PCBP3: variants seen among roughly 807,000 people sequenced by gnomAD.
PCBP3 encodes poly(rC)-binding protein 3.
Under a neutral mutation model 52.7 loss-of-function variants are expected in PCBP3, and 25 were observed. The observed-to-expected ratio is 0.47, with a 90% CI of 0.35 to 0.66. PCBP3 has a LOEUF of 0.66. Ranked by LOEUF, PCBP3 falls within the 30% of genes least tolerant of loss-of-function variation. PCBP3 has a pLI of 0.01. For missense variants in PCBP3, 391 were observed against 490.3 expected, an observed-to-expected ratio of 0.80 and a Z score of 1.91; for synonymous variants, 162 against 183.0, an observed-to-expected ratio of 0.89 and a Z score of 0.93.
chr21:45,790,061 A>G (rs1684863811), intron 4 of PCBP3, among the ~76,000 whole-genome samples: 1 of 152,072 alleles, frequency 6.6e-6, no homozygotes, highest in Admixed American at 6.5e-5. Context: ...AATGGCGTGA[A>G]CCCGGGAGGC....
chr21:45,892,087 C>T (rs1603470607), intron 5 of PCBP3, among the ~76,000 whole-genome samples: 3 of 152,148 alleles, frequency 2.0e-5, no homozygotes, highest in South Asian at 4.1e-4. Flanking sequence ...AGTCCACCCT[C>T]GGGAGTAGGG....
rs1268430079 is a variant in PCBP3 at position 45,913,980 on chromosome 21, C to T, written c.630C>T (p.Tyr210=). ...CACCGAAAGGTGCCACCATTCCCTACCGCCCAAAGCCCGCCTCCACCCCTG... is the reference window on the plus strand; with the variant it reads ...CACCGAAAGGTGCCACCATTCCCTATCGCCCAAAGCCCGCCTCCACCCCTG... The part of the protein sequence containing the change: ...ESPPKGATIP[Y]RPKPASTPVI... The change falls in exon 12 of 18, where the codon TAC becomes TAT. Residue 210 remains tyrosine, a synonymous_variant. Coordinates refer to ENST00000681687, the MANE Select transcript of PCBP3 (RefSeq NM_001384156.1). 1.9e-6 allele frequency: 3 copies of T among 1,613,432 alleles called. No individual in the cohort carries two copies. In the South Asian group the frequency reaches 3.3e-5, roughly 18 times the overall value.
intron 13 of PCBP3, among the ~76,000 whole-genome samples, chr21:45,920,510 T>G (rs923927158): frequency 6.6e-6 from 1 of 152,230 alleles, no homozygotes; most frequent in African/African-American, 2.4e-5. Flanking sequence ...GGTAATGATT[T>G]GAGATACCTG....
At position 45,940,123 on chromosome 21, in the gene PCBP3, G is replaced by A. The variant is rs2077301146; in HGVS notation, c.1003G>A (p.Gly335Arg). Residue 335 changes from glycine to arginine, a missense_variant, in exon 17 of 18, where the codon GGG (glycine) becomes AGG (arginine). Physicochemically the swap from Gly to Arg is moderately radical, Grantham distance 125 (BLOSUM62 -2). Coordinates refer to ENST00000681687, the MANE Select transcript of PCBP3 (RefSeq NM_001384156.1). The part of the protein sequence containing the change: ...AQIKIANATE[G>R]SSERQITITG... Reference sequence around the variant, plus strand: ...GATCAAAATCGCCAACGCCACGGAAGGGTCCTCAGAGCGTCAGATCACCAT... The same window carrying A: ...GATCAAAATCGCCAACGCCACGGAAAGGTCCTCAGAGCGTCAGATCACCAT... 6.2e-7 allele frequency: 1 copy of A among 1,614,204 alleles called. No homozygotes were observed. Among genetic ancestry groups the A allele is most frequent in the Non-Finnish European group, 8.5e-7 (1 of 1,180,020 alleles).
chr21:45,828,441 A>G (rs1205768058), intron 4 of PCBP3: 6 of 152,200 alleles, frequency 3.9e-5, no homozygotes, highest in Non-Finnish European at 8.8e-5. Flanking sequence ...CCACCCCAGT[A>G]TACATGGGTG....
chr21:45,644,738 G>C (rs1038976998), intron 1 of PCBP3, among the ~76,000 whole-genome samples: 1 of 152,072 alleles, frequency 6.6e-6, no homozygotes, highest in Non-Finnish European at 1.5e-5. Flanking sequence ...AGTGGGATTC[G>C]CCAGAAGGAA....
chr21:45,929,141 T>TATTTTTTTTATTTTTAA (rs1556384889), intron 13 of PCBP3, among the ~76,000 whole-genome samples: 2 of 152,180 alleles, frequency 1.3e-5, no homozygotes, highest in African/African-American at 4.8e-5. Context: ...AAAATAACTT[T>TATTTTTTTTATTTTTAA]AAAAATGGCA....
At position 45,925,286 on chromosome 21, in the gene PCBP3, T is replaced by G. The variant is rs542682872; in HGVS notation, c.718-4631T>G. ...ACTGAGTGTAGACTCTCAACGCACA[T>G]GTTAAAGTTTCAATGACCACTAACA... On this transcript the variant is annotated intron_variant, in intron 13 of 17. Transcript: ENST00000681687. Among the ~76,000 whole-genome samples, 14 of 152,202 alleles carry G rather than the reference T, an allele frequency of 9.2e-5. No individual in the cohort carries two copies. In the East Asian group the frequency reaches 2.7e-3, roughly 29 times the overall value.
intron 3 of PCBP3, among the ~76,000 whole-genome samples, chr21:45,748,534 A>T (rs890577385): frequency 1.3e-5 from 2 of 152,106 alleles, no homozygotes; most frequent in Non-Finnish European, 2.9e-5. Flanking sequence ...AGCTTTGTTC[A>T]CCCTGGTAGT....
Position 45,837,572 on chromosome 21 carries a change from G to T in PCBP3, c.-125-12389G>T, listed in dbSNP as rs1270059955. On this transcript the variant is annotated intron_variant, in intron 4 of 17. Transcript: ENST00000681687. The surrounding 1 kb of genome is among the most constrained non-coding windows in gnomAD (Gnocchi z 4.1). ...AGCCCTGGGTTGTCTGCCTCTTGGG[G>T]GTAGCGGCTGTGTGGAATGCCTGCG... Among the ~76,000 whole-genome samples, 1 of 152,208 alleles carries T rather than the reference G, an allele frequency of 6.6e-6. No individual in the cohort carries two copies. The highest frequency in any genetic ancestry group is 2.4e-5 in the African/African-American group (1 of 41,458).
intron 4 of PCBP3, among the ~76,000 whole-genome samples, chr21:45,849,300 G>A (rs967522391): frequency 5.3e-5 from 8 of 151,788 alleles, no homozygotes; most frequent in African/African-American, 1.9e-4. Flanking sequence ...CCGCCTCCTG[G>A]GTTCAAGCAA....
At chr21:45,785,645 CATT>C (rs1247867642) in intron 4 of PCBP3, among the ~76,000 whole-genome samples, 1 of 152,196 alleles carries the variant, frequency 6.6e-6, no homozygotes, top group African/African-American at 2.4e-5. Context: ...CCCAACAGCT[CATT>C]GAGAATGGGC....
intron 5 of PCBP3, among the ~76,000 whole-genome samples, chr21:45,893,066 A>G (rs2095718586): frequency 6.6e-6 from 1 of 152,072 alleles, no homozygotes; most frequent in Admixed American, 6.5e-5. Context: ...TGAGTGCAGG[A>G]AGGAGGGTGT....
intron 15 of PCBP3, among the ~76,000 whole-genome samples, chr21:45,934,737 G>C (rs2076695074): frequency 6.6e-6 from 1 of 152,228 alleles, no homozygotes; most frequent in Non-Finnish European, 1.5e-5. Flanking sequence ...CCCTGCAGGA[G>C]GCCGGGGGGT....
chr21:45,657,056 C>T (rs543159052), intron 1 of PCBP3, among the ~76,000 whole-genome samples: 2 of 152,266 alleles, frequency 1.3e-5, no homozygotes, highest in Admixed American at 6.5e-5. Flanking sequence ...CTCCTGACCT[C>T]GTGATCCACC....
intron 4 of PCBP3, chr21:45,759,780 C>A (rs2088444179): frequency 6.6e-6 from 1 of 152,136 alleles, no homozygotes. Context: ...TCTACAGTTT[C>A]AAAAACTCTA....
At chr21:45,661,534 A>G (rs537085994) in intron 1 of PCBP3, among the ~76,000 whole-genome samples, 2 of 152,148 alleles carry the variant, frequency 1.3e-5, no homozygotes, top group African/African-American at 4.8e-5. Flanking sequence ...TGTATACTAC[A>G]TTTTCTTTAT....
chr21:45,805,978 C>T lies in PCBP3; in HGVS notation c.-125-43983C>T, dbSNP rs2092485082. Among the ~76,000 whole-genome samples, 1 of 152,196 alleles carries T rather than the reference C, an allele frequency of 6.6e-6. No individual in the cohort carries two copies. Among genetic ancestry groups the T allele is most frequent in the South Asian group, 2.1e-4 (1 of 4,834 alleles). ...CCATTGCATGAGAAGATGGAGGAGC[C>T]TCCTTGTGCTGCTGTGTCTCAGCAT... is the stretch of plus-strand genomic sequence containing the variant. On this transcript the variant is annotated intron_variant, in intron 4 of 17. Transcript: ENST00000681687. The surrounding 1 kb of genome is among the most constrained non-coding windows in gnomAD (Gnocchi z 4.6).
At position 45,914,034 on chromosome 21, in the gene PCBP3, C is replaced by G; in HGVS notation, c.675+9C>G. The G allele has an allele frequency of 6.2e-7, 1 of 1,613,528 alleles. No homozygotes were observed. The highest frequency in any genetic ancestry group is 8.5e-7 in the Non-Finnish European group (1 of 1,179,940). On this transcript the variant is annotated intron_variant, in intron 12 of 17. Transcript: ENST00000681687. ...TTTTTGCAGGTGGTCAGGTAAGAGC[C>G]GATCCGCTCGCGGCCTCCACTGCCA...
Sources: gnomAD v4.1 joint callset for allele counts (sites outside exome capture counted in the v4.1 genomes callset) on GRCh38, gnomAD v4.1.1 for gene constraint, Gnocchi (gnomAD v3.1) non-coding constraint, MANE v1.5 for transcripts, NCBI Gene and HGNC (gene_info 2026-07-23, HGNC 2026-07-21) for gene names.